Variants in ZNF69 observed in about 807,000 individuals in gnomAD.
ZNF69 encodes the protein zinc finger protein 69, also known as ZNF3.
Under a neutral mutation model 50.9 loss-of-function variants are expected in ZNF69, and 47 were observed. The observed-to-expected ratio is 0.92, with a 90% CI of 0.73 to 1.18. The LOEUF (loss-of-function observed/expected upper bound fraction) is 1.18, where lower values mean the gene tolerates loss of function less well. Ranked by LOEUF, ZNF69 falls within the 50% of genes most tolerant of loss-of-function variation. ZNF69 has a pLI of 0.00. For missense variants in ZNF69, 717 were observed against 675.1 expected (o/e 1.06, Z -0.69); for synonymous variants, 216 against 223.1 (o/e 0.97, Z 0.29).
the ZNF69 span, chr19:11,978,826 T>C: frequency 1.2e-6 from 2 of 1,614,158 alleles, no homozygotes. Flanking sequence ...TCCTTTCAAA[T>C]ACATGAAAGA....
the ZNF69 span, chr19:11,977,056 G>C: frequency 1.9e-6 from 3 of 1,614,078 alleles, no homozygotes; most frequent in Non-Finnish European, 2.5e-6. Context: ...GGCCTGTGAG[G>C]ATGTTGCTGT....
chr19:11,919,989 C>T, the ZNF69 span, among the ~76,000 whole-genome samples: 1 of 152,076 alleles, frequency 6.6e-6, no homozygotes, highest in African/African-American at 2.4e-5. Flanking sequence ...TGGAATGTCT[C>T]CAAATCTTCT....
chr19:11,963,874 T>G, the ZNF69 span, among the ~76,000 whole-genome samples: 7 of 152,214 alleles, frequency 4.6e-5, no homozygotes, highest in Non-Finnish European at 1.0e-4. Flanking sequence ...GTTGCTGCAG[T>G]GTCACTGATC....
chr19:11,903,744 G>C (rs1203495458), intron 2 of ZNF69, 45 bp downstream of exon 2: 1 of 1,609,516 alleles, frequency 6.2e-7, no homozygotes, highest in African/African-American at 1.3e-5. Context: ...GTGAACCAGT[G>C]TTTCTAGCTC....
At chr19:11,908,997 C>T (rs549293145), downstream of ZNF69, among the ~76,000 whole-genome samples, 8 of 152,212 alleles carry the variant, frequency 5.3e-5, no homozygotes, top group Admixed American at 5.2e-4. Context: ...GATATCACCA[C>T]CGATCCCACA....
At chr19:11,940,785 T>C in the ZNF69 span, among the ~76,000 whole-genome samples, 3 of 152,148 alleles carry the variant, frequency 2.0e-5, no homozygotes, top group Non-Finnish European at 4.4e-5. Context: ...AGGGCGCTGA[T>C]TGGTGCGTTT....
At chr19:11,979,353 C>T in the ZNF69 span, 30 of 1,609,506 alleles carry the variant, frequency 1.9e-5, no homozygotes, top group African/African-American at 2.7e-5. Context: ...GGAGAGAAAC[C>T]CTATGAGTGT....
At chr19:11,977,525 A>G in the ZNF69 span, 1 of 1,409,404 alleles carries the variant, frequency 7.1e-7, no homozygotes, top group Non-Finnish European at 9.8e-7. Flanking sequence ...TAAGTCCAGT[A>G]TCAAATTCAT....
At chr19:11,907,099 G>A (rs1972389652), downstream of ZNF69, among the ~76,000 whole-genome samples, 1 of 152,168 alleles carries the variant, frequency 6.6e-6, no homozygotes, top group Non-Finnish European at 1.5e-5. Flanking sequence ...TCAAATGGAT[G>A]AAATGAAGTG....
chr19:11,916,401 G>A (rs1051709546), downstream of ZNF69, among the ~76,000 whole-genome samples: 2 of 152,172 alleles, frequency 1.3e-5, no homozygotes, highest in Non-Finnish European at 2.9e-5. Context: ...GATCACTTGA[G>A]GTCAGGAGTT....
the ZNF69 span, chr19:11,947,709 CAT>C: frequency 3.5e-4 from 331 of 944,508 alleles, 1 homozygote; most frequent in Non-Finnish European, 4.2e-5. Flanking sequence ...TCTCAAAAAA[CAT>C]ATATTTAAAC....
the ZNF69 span, among the ~76,000 whole-genome samples, chr19:11,961,426 C>A: frequency 5.3e-5 from 8 of 152,176 alleles, no homozygotes; most frequent in Admixed American, 5.2e-4. Flanking sequence ...TTATACTAGC[C>A]TGAGCTAAGT....
chr19:11,955,491 T>C, the ZNF69 span, among the ~76,000 whole-genome samples: 2 of 151,932 alleles, frequency 1.3e-5, no homozygotes. Context: ...TCTTCCAGGC[T>C]TAAGCTATCC....
rs878965578 is a variant in ZNF69 at position 11,904,852 on chromosome 19, AG to A, written c.457del (p.Ala153ProfsTer60). The A allele has an allele frequency of 5.6e-6, 9 of 1,614,182 alleles. No individual in the cohort carries two copies. The South Asian group carries it at 7.7e-5, about 14-fold the overall frequency. On this transcript the variant is annotated frameshift_variant, in exon 4 of 4. Transcript: ENST00000429654. LOFTEE classifies it high-confidence loss of function. ...NMNIRGDIGH[K>X]AYEYQEYGPK... Reference sequence around the variant, plus strand: ...AACATCAGAGGTGACATTGGACACAAGGCCTATGAGTATCAGGAATATGGAC... The same window carrying A: ...AACATCAGAGGTGACATTGGACACAAGCCTATGAGTATCAGGAATATGGAC...
chr19:11,901,973 A>ATT (rs1972253823), intron 1 of ZNF69, among the ~76,000 whole-genome samples: 1 of 114,920 alleles, frequency 8.7e-6, no homozygotes, highest in African/African-American at 3.4e-5. Context: ...CCAAGATGTT[A>ATT]TTTTCTTTTT....
At chr19:11,966,665 C>T in the ZNF69 span, among the ~76,000 whole-genome samples, 21 of 152,252 alleles carry the variant, frequency 1.4e-4, no homozygotes, top group East Asian at 9.7e-4. Context: ...TGAGCCACCT[C>T]GCCTGGCCGC....
intron 1 of ZNF69, among the ~76,000 whole-genome samples, chr19:11,897,442 A>G (rs958918748): frequency 6.6e-6 from 1 of 151,942 alleles, no homozygotes; most frequent in African/African-American, 2.4e-5. Flanking sequence ...CGTCACTGTG[A>G]TGTGTGCCTG....
At chr19:11,893,683 A>G (rs1977151824) in intron 1 of ZNF69, among the ~76,000 whole-genome samples, 2 of 152,106 alleles carry the variant, frequency 1.3e-5, no homozygotes, top group Admixed American at 1.3e-4. Context: ...GATGCCCACA[A>G]CTGCCATGTC....
At chr19:11,894,527 T>C (rs1977176528) in intron 1 of ZNF69, among the ~76,000 whole-genome samples, 1 of 152,182 alleles carries the variant, frequency 6.6e-6, no homozygotes, top group Non-Finnish European at 1.5e-5. Context: ...CACACTCTCC[T>C]ATGTTTTCTT....
Sources: gnomAD v4.1 joint callset for allele counts (sites outside exome capture counted in the v4.1 genomes callset) on GRCh38, gnomAD v4.1.1 for gene constraint, MANE v1.5 for transcripts, NCBI Gene and HGNC (gene_info 2026-07-23, HGNC 2026-07-21) for gene names.